TTC27: variants seen among roughly 807,000 people sequenced by gnomAD.
The protein encoded by TTC27 is tetratricopeptide repeat protein 27.
A neutral mutation model predicts 115.9 loss-of-function variants in TTC27; 79 were observed. That is an observed-to-expected ratio of 0.68 (90% CI 0.57 to 0.82). The LOEUF (loss-of-function observed/expected upper bound fraction) is 0.82. TTC27 is among the 40% of genes least tolerant of loss of function. TTC27 has a pLI of 0.00. For synonymous variants in TTC27, 401 were observed against 356.0 expected (o/e 1.13, Z -1.42); for missense variants, 1,054 against 993.1 (o/e 1.06, Z -0.82).
chr2:32,629,982 G>A (rs1264011017), intron 1 of TTC27, among the ~76,000 whole-genome samples: 1 of 152,168 alleles, frequency 6.6e-6, no homozygotes, highest in African/African-American at 2.4e-5. Flanking sequence ...TTTCCTAGAA[G>A]AAGTTAGACT....
chr2:32,753,690 G>T (rs536438546), intron 12 of TTC27, among the ~76,000 whole-genome samples: 1 of 151,918 alleles, frequency 6.6e-6, no homozygotes, highest in South Asian at 2.1e-4. Flanking sequence ...CAAGTGATCC[G>T]CCCACACTGG....
chr2:32,758,824 A>G (rs969221014), intron 13 of TTC27, among the ~76,000 whole-genome samples: 1 of 152,208 alleles, frequency 6.6e-6, no homozygotes, highest in Non-Finnish European at 1.5e-5. Flanking sequence ...CGGATATGTT[A>G]GGAAGAAAAT....
chr2:32,706,280 A>G (rs1359800976), intron 10 of TTC27, among the ~76,000 whole-genome samples: 2 of 151,276 alleles, frequency 1.3e-5, no homozygotes, highest in Non-Finnish European at 2.9e-5. Flanking sequence ...ACGGGGTTTC[A>G]CCGTGTTGGC....
intron 9 of TTC27, 99 bp from the exon 10 acceptor site, chr2:32,702,708 T>G (rs1301772039): frequency 1.3e-6 from 1 of 777,456 alleles, no homozygotes; most frequent in Non-Finnish European, 2.2e-6. Context: ...TGTGTTTAAC[T>G]GTACCCTGAT....
At chr2:32,712,859 A>C (rs1229191090) in intron 10 of TTC27, among the ~76,000 whole-genome samples, 2 of 152,082 alleles carry the variant, frequency 1.3e-5, no homozygotes, top group African/African-American at 4.8e-5. Flanking sequence ...AAATTCTTAT[A>C]TTCAACATTT....
At chr2:32,652,144 CA>C (rs1279955056) in intron 5 of TTC27, among the ~76,000 whole-genome samples, 5 of 152,088 alleles carry the variant, frequency 3.3e-5, no homozygotes, top group African/African-American at 1.2e-4. Flanking sequence ...GAGGTCGAGG[CA>C]GGTAGATCAC....
intron 13 of TTC27, among the ~76,000 whole-genome samples, chr2:32,763,708 T>G (rs1669523889): frequency 6.6e-6 from 1 of 152,250 alleles, no homozygotes; most frequent in Non-Finnish European, 1.5e-5. Context: ...ATACATTGTC[T>G]ATGGTGCATT....
intron 9 of TTC27, among the ~76,000 whole-genome samples, chr2:32,680,039 T>G (rs572437730): frequency 1.3e-5 from 2 of 152,292 alleles, no homozygotes; most frequent in Admixed American, 1.3e-4. Flanking sequence ...TATTTTGTAC[T>G]GTAATATAAA....
chr2:32,801,817 G>A (rs1055498116), intron 16 of TTC27, among the ~76,000 whole-genome samples: 3 of 152,192 alleles, frequency 2.0e-5, no homozygotes, highest in African/African-American at 7.2e-5. Flanking sequence ...CACCACCAGA[G>A]ATTTGAACAT....
At chr2:32,649,353 G>C (rs967097362) in intron 4 of TTC27, among the ~76,000 whole-genome samples, 3 of 151,778 alleles carry the variant, frequency 2.0e-5, no homozygotes, top group African/African-American at 4.8e-5. Context: ...AGTAGACGGT[G>C]AACAACATTG....
chr2:32,730,626 T>A lies in TTC27; in HGVS notation c.1234-3202T>A, dbSNP rs1032910863. ...ACACCTATCAAGACTTTCTTATTTT[T>A]TTTTTTTTTTTTCTTGAGACAGTCT... On this transcript the variant is annotated intron_variant, in intron 10 of 19. Transcript: ENST00000317907. Among the ~76,000 whole-genome samples, 412 of 151,380 alleles carry A rather than the reference T, an allele frequency of 2.7e-3. 2 individuals are homozygous for A. The highest frequency in any genetic ancestry group is 8.8e-3 in the African/African-American group (363 of 41,392).
intron 9 of TTC27, among the ~76,000 whole-genome samples, chr2:32,690,782 C>G (rs76743222): frequency 0.015 from 2,223 of 152,258 alleles, 43 homozygotes; most frequent in African/African-American, 0.052. Flanking sequence ...ATAGATTAAA[C>G]TTGGAATTTT....
chr2:32,664,469 T>G lies in TTC27; in HGVS notation c.805+2T>G. 6.3e-7 allele frequency: 1 copy of G among 1,596,138 alleles called. No homozygotes were observed. The highest frequency in any genetic ancestry group is 1.2e-5 in the South Asian group (1 of 86,178). Reference sequence around the variant, plus strand: ...GCCAATTACAAATTGATTTGACAGGTAAGACTTATTTTTTGTGGATAATTG... The same window carrying G: ...GCCAATTACAAATTGATTTGACAGGGAAGACTTATTTTTTGTGGATAATTG... On this transcript the variant is annotated splice_donor_variant, in intron 6 of 19. Coordinates refer to ENST00000317907, the MANE Select transcript of TTC27 (RefSeq NM_017735.5). LOFTEE classifies it high-confidence loss of function.
chr2:32,809,318 T>C (rs1048940517), intron 16 of TTC27, among the ~76,000 whole-genome samples: 2 of 152,338 alleles, frequency 1.3e-5, no homozygotes, highest in Non-Finnish European at 2.9e-5. Context: ...GTCAGTGCAA[T>C]TGCAATATGC....
intron 16 of TTC27, among the ~76,000 whole-genome samples, chr2:32,797,192 G>A (rs1026626558): frequency 1.3e-4 from 18 of 133,564 alleles, no homozygotes; most frequent in Admixed American, 4.5e-4. Context: ...AAAAAAAAAA[G>A]AGACAGTGTC....
chr2:32,771,084 C>T (rs1009795949), intron 13 of TTC27, among the ~76,000 whole-genome samples: 1 of 152,064 alleles, frequency 6.6e-6, no homozygotes, highest in African/African-American at 2.4e-5. Context: ...GTGGGGAGGC[C>T]GAAAGCTTTG....
At chr2:32,653,834 G>C (rs115052271) in intron 5 of TTC27, among the ~76,000 whole-genome samples, 6 of 152,146 alleles carry the variant, frequency 3.9e-5, no homozygotes, top group Non-Finnish European at 8.8e-5. Context: ...TGATCCAGAA[G>C]GTCACAAATA....
chr2:32,817,506 A>C lies in TTC27; in HGVS notation c.2358A>C (p.Gln786His). The C allele has an allele frequency of 6.2e-7, 1 of 1,614,114 alleles. No homozygotes were observed. The highest frequency in any genetic ancestry group is 8.5e-7 in the Non-Finnish European group (1 of 1,179,996). The change falls in exon 19 of 20, where the codon CAA becomes CAC. Residue 786 changes from glutamine (Q) to histidine (H), a missense_variant. Coordinates refer to ENST00000317907, the MANE Select transcript of TTC27 (RefSeq NM_017735.5). The part of the protein sequence containing the change: ...KNKSSSQEAV[Q>H]MLSSVRLNLR... Reference sequence around the variant, plus strand: ...AATCCAGTTCCCAAGAAGCTGTACAAATGCTTTCTTCTGTTCGACTCAATT... The same window carrying C: ...AATCCAGTTCCCAAGAAGCTGTACACATGCTTTCTTCTGTTCGACTCAATT...
At chr2:32,805,636 A>T (rs2148040941) in intron 16 of TTC27, among the ~76,000 whole-genome samples, 1 of 152,318 alleles carries the variant, frequency 6.6e-6, no homozygotes, top group African/African-American at 2.4e-5. Context: ...TTCTGTTTTG[A>T]ACCATGAGGA....
Sources: gnomAD v4.1 joint callset for allele counts (sites outside exome capture counted in the v4.1 genomes callset) on GRCh38, gnomAD v4.1.1 for gene constraint, MANE v1.5 for transcripts, NCBI Gene and HGNC (gene_info 2026-07-23, HGNC 2026-07-21) for gene names.